Variants in MTCL1 observed in about 807,000 individuals in gnomAD.
MTCL1 encodes the protein microtubule crosslinking factor 1.
In MTCL1, 79 loss-of-function variants were observed where a neutral mutation model predicts 141.4. That is an observed-to-expected ratio of 0.56 (90% CI 0.47 to 0.67). The LOEUF (loss-of-function observed/expected upper bound fraction) is 0.67, where lower values mean the gene tolerates loss of function less well. MTCL1 is among the 30% of genes least tolerant of loss of function. The probability of loss-of-function intolerance (pLI) is 0.00; values close to 1 mark genes in which losing one functional copy is unlikely to be tolerated. For missense variants in MTCL1, 2,177 were observed against 2,113.9 expected (o/e 1.03, Z -0.59); for synonymous variants, 914 against 875.8 (o/e 1.04, Z -0.77).
chr18:8,826,673 C>T (rs1157089788), intron 15 of MTCL1, among the ~76,000 whole-genome samples: 1 of 152,168 alleles, frequency 6.6e-6, no homozygotes, highest in South Asian at 2.1e-4. Context: ...CACATGAGCA[C>T]GAGCACTTCT....
intron 4 of MTCL1, among the ~76,000 whole-genome samples, chr18:8,738,883 A>G (rs1045270535): frequency 6.6e-6 from 1 of 152,198 alleles, no homozygotes; most frequent in African/African-American, 2.4e-5. Context: ...CTTAACTCAT[A>G]GATGACATTC....
chr18:8,783,777 G>T, exon 6 of MTCL1: 1 of 1,613,242 alleles, frequency 6.2e-7, no homozygotes, highest in South Asian at 1.1e-5. Flanking sequence ...AACATCTTGG[G>T]CCGGAAGATC....
chr18:8,832,525 T>C (rs2077215375), exon 17 of MTCL1: 1 of 152,402 alleles, frequency 6.6e-6, no homozygotes, highest in African/African-American at 2.4e-5. Context: ...CTCAGTCTGT[T>C]CCACTGTAAT....
intron 8 of MTCL1, among the ~76,000 whole-genome samples, chr18:8,794,013 A>G (rs1219416001): frequency 2.6e-5 from 4 of 152,250 alleles, no homozygotes; most frequent in Non-Finnish European, 4.4e-5. Flanking sequence ...AGCTTAGGGA[A>G]GGCAGGGCCG....
intron 4 of MTCL1, among the ~76,000 whole-genome samples, chr18:8,746,111 C>G (rs1287449316): frequency 2.0e-5 from 3 of 152,184 alleles, no homozygotes; most frequent in African/African-American, 7.2e-5. Flanking sequence ...TTCTATGGTA[C>G]TCCACATTGA....
chr18:8,766,975 C>A (rs886775137), intron 4 of MTCL1, among the ~76,000 whole-genome samples: 1 of 152,232 alleles, frequency 6.6e-6, no homozygotes, highest in Admixed American at 6.5e-5. Context: ...CAGAGCAGCT[C>A]TCTAGCCTCC....
intron 4 of MTCL1, among the ~76,000 whole-genome samples, chr18:8,757,498 T>C (rs888157265): frequency 2.0e-5 from 3 of 152,146 alleles, no homozygotes; most frequent in African/African-American, 7.2e-5. Context: ...AAAATACAGG[T>C]TAAAAACAAA....
chr18:8,817,856 GAA>G (rs1475281494), intron 12 of MTCL1, among the ~76,000 whole-genome samples: 1 of 152,210 alleles, frequency 6.6e-6, no homozygotes, highest in East Asian at 1.9e-4. Flanking sequence ...TTCATAGGCG[GAA>G]ATAGCTTCAG....
chr18:8,824,805 C>G, exon 15 of MTCL1: 1 of 1,614,194 alleles, frequency 6.2e-7, no homozygotes, highest in African/African-American at 1.3e-5. Flanking sequence ...GGATGTCACC[C>G]CACCCCTGTC....
chr18:8,745,555 T>C (rs116119223), intron 4 of MTCL1, among the ~76,000 whole-genome samples: 86 of 152,300 alleles, frequency 5.6e-4, no homozygotes, highest in African/African-American at 2.0e-3. Context: ...TGTTTTGGGT[T>C]GTTCGGGAGC....
chr18:8,715,843 G>A (rs535494340), upstream of MTCL1, among the ~76,000 whole-genome samples: 1 of 152,166 alleles, frequency 6.6e-6, no homozygotes, highest in Non-Finnish European at 1.5e-5. Context: ...CAGTGATCAG[G>A]CATCAGTAAC....
At chr18:8,812,280 T>C (rs1176109706) in intron 11 of MTCL1, among the ~76,000 whole-genome samples, 1 of 152,228 alleles carries the variant, frequency 6.6e-6, no homozygotes, top group Non-Finnish European at 1.5e-5. Flanking sequence ...GCAATGGTTT[T>C]TTTTGTTTTT....
chr18:8,805,511 A>G (rs943544846), intron 10 of MTCL1, among the ~76,000 whole-genome samples: 2 of 152,140 alleles, frequency 1.3e-5, no homozygotes, highest in Non-Finnish European at 1.5e-5. Flanking sequence ...TTCCTCCCAT[A>G]TATACTTAAC....
chr18:8,819,089 G>A (rs1008991193), exon 13 of MTCL1: 1 of 1,614,256 alleles, frequency 6.2e-7, no homozygotes, highest in Middle Eastern at 1.6e-4. Flanking sequence ...GTGGCCTTGT[G>A]CAGATGCTGA....
At chr18:8,745,663 C>T (rs2096332833) in intron 4 of MTCL1, among the ~76,000 whole-genome samples, 1 of 152,154 alleles carries the variant, frequency 6.6e-6, no homozygotes, top group South Asian at 2.1e-4. Flanking sequence ...CGTGTGTTCC[C>T]AGGAGTAGAT....
rs536858725 is a variant in MTCL1, at chr18:8,751,658, G to A, written c.358-26175G>A. ...TTTTCTCATTGGTCTGAGTCACCTG[G>A]TCCAGTGCAGGACGGGGTAGGTGTG... On this transcript the variant is annotated intron_variant, in intron 4 of 16. Coordinates refer to ENST00000359865, the Ensembl canonical transcript of MTCL1. 4.6e-4 allele frequency among the ~76,000 whole-genome samples: 70 copies of A among 152,310 alleles called. 2 individuals are homozygous for A. In the South Asian group the frequency reaches 0.014, roughly 30 times the overall value.
chr18:8,711,139 G>C (rs2096089443), intron 1 of MTCL1, among the ~76,000 whole-genome samples: 2 of 151,038 alleles, frequency 1.3e-5, no homozygotes, highest in Admixed American at 6.6e-5. Context: ...AATATGCGGT[G>C]TTTGGTTTTT....
intron 4 of MTCL1, among the ~76,000 whole-genome samples, chr18:8,762,395 A>G (rs2096436874): frequency 1.3e-5 from 2 of 152,348 alleles, no homozygotes; most frequent in African/African-American, 2.4e-5. Flanking sequence ...GGACATTTAA[A>G]CTAGGGTAGC....
intron 9 of MTCL1, 58 bp downstream of exon 8, chr18:8,796,520 C>T (rs1289663457): frequency 6.6e-7 from 1 of 1,513,314 alleles, no homozygotes; most frequent in Non-Finnish European, 9.1e-7. Context: ...ACCCCAGACA[C>T]TGCTTTCTCC....
Sources: allele counts gnomAD v4.1 joint callset (sites outside exome capture counted in the v4.1 genomes callset), GRCh38; gene constraint gnomAD v4.1.1; transcripts MANE v1.5; gene names NCBI Gene and HGNC (gene_info 2026-07-23, HGNC 2026-07-21).